WNT3: variants seen among roughly 807,000 people sequenced by gnomAD.
WNT3 encodes the protein proto-oncogene Wnt-3.
WNT3 carries 7 observed loss-of-function variants against 34.2 expected under a neutral mutation model. The ratio of observed to expected loss-of-function variants is 0.20; its 90% CI spans 0.12 to 0.38. The LOEUF is 0.38. WNT3 is among the 10% of genes least tolerant of loss of function. WNT3 has a pLI of 1.00. For missense variants in WNT3, 267 were observed against 499.8 expected (o/e 0.53, Z 4.44); for synonymous variants, 212 against 211.5 (o/e 1.00, Z -0.02).
chr17:46,814,741 C>A (rs1357199677), intron 1 of WNT3, among the ~76,000 whole-genome samples: 1 of 152,232 alleles, frequency 6.6e-6, no homozygotes, highest in Non-Finnish European at 1.5e-5. Flanking sequence ...AGGTGCCTCC[C>A]TGGGCCCAGC....
intron 2 of WNT3, among the ~76,000 whole-genome samples, chr17:46,772,502 G>A (rs1011710904): frequency 6.6e-6 from 1 of 152,246 alleles, no homozygotes; most frequent in Non-Finnish European, 1.5e-5. Context: ...GGAAAGCGCT[G>A]AGACCAACAC....
intron 1 of WNT3, among the ~76,000 whole-genome samples, chr17:46,789,417 G>A (rs138474086): frequency 0.011 from 1,717 of 152,310 alleles, 14 homozygotes; most frequent in African/African-American, 0.011. Context: ...CAACACCAGC[G>A]TGGCAGGATC....
intron 1 of WNT3, among the ~76,000 whole-genome samples, chr17:46,817,118 C>T (rs1171773297): frequency 6.6e-6 from 1 of 152,184 alleles, no homozygotes; most frequent in Non-Finnish European, 1.5e-5. Flanking sequence ...TGGCCATGTC[C>T]CCACCCTCTC....
At chr17:46,804,219 C>A (rs1361109441) in intron 1 of WNT3, among the ~76,000 whole-genome samples, 1 of 152,068 alleles carries the variant, frequency 6.6e-6, no homozygotes, top group Non-Finnish European at 1.5e-5. Context: ...TCCCCAGCAG[C>A]TGGGACTACA....
chr17:46,776,069 G>T (rs2059409993), intron 1 of WNT3, among the ~76,000 whole-genome samples: 1 of 152,224 alleles, frequency 6.6e-6, no homozygotes, highest in South Asian at 2.1e-4. Context: ...AGATGGCTTA[G>T]CCTTGCAGGT....
At chr17:46,816,439 GA>G (rs1219077829) in intron 1 of WNT3, among the ~76,000 whole-genome samples, 2 of 143,208 alleles carry the variant, frequency 1.4e-5, no homozygotes, top group African/African-American at 5.2e-5. Flanking sequence ...CTGGTGTATA[GA>G]AAACACCTCT....
At chr17:46,789,325 T>G (rs532706272) in intron 1 of WNT3, among the ~76,000 whole-genome samples, 143 of 152,320 alleles carry the variant, frequency 9.4e-4, no homozygotes, top group African/African-American at 3.4e-3. Flanking sequence ...CCTGACCAGC[T>G]GGCTACTGGG....
chr17:46,801,462 A>C (rs184393215), intron 1 of WNT3, among the ~76,000 whole-genome samples: 164 of 152,248 alleles, frequency 1.1e-3, no homozygotes, highest in Middle Eastern at 6.8e-3. Context: ...TCTACTAAAA[A>C]TAGAAAAATT....
intron 1 of WNT3, among the ~76,000 whole-genome samples, chr17:46,805,771 T>G (rs1369281622): frequency 6.6e-6 from 1 of 151,990 alleles, no homozygotes; most frequent in African/African-American, 2.4e-5. Flanking sequence ...AAACTGAAAC[T>G]TGACAGTGAT....
intron 1 of WNT3, among the ~76,000 whole-genome samples, chr17:46,803,727 G>A (rs1360766788): frequency 6.6e-6 from 1 of 152,128 alleles, no homozygotes; most frequent in Non-Finnish European, 1.5e-5. Flanking sequence ...TCAAGCTCCA[G>A]CCACAGCCCT....
chr17:46,779,951 G>T (rs2059446519), intron 1 of WNT3, among the ~76,000 whole-genome samples: 1 of 152,146 alleles, frequency 6.6e-6, no homozygotes, highest in African/African-American at 2.4e-5. Flanking sequence ...TAGAGACAGG[G>T]TTTCGCAATA....
intron 1 of WNT3, among the ~76,000 whole-genome samples, chr17:46,788,826 C>T (rs1013141340): frequency 2.0e-5 from 3 of 152,192 alleles, no homozygotes; most frequent in African/African-American, 4.8e-5. Flanking sequence ...TTCGTCTCTC[C>T]CAGATCCCAC....
chr17:46,814,631 C>A (rs963284785), intron 1 of WNT3, among the ~76,000 whole-genome samples: 2 of 152,232 alleles, frequency 1.3e-5, no homozygotes, highest in African/African-American at 4.8e-5. Flanking sequence ...GCTAGCTCAG[C>A]TCCTCACCAG....
intron 3 of WNT3, among the ~76,000 whole-genome samples, chr17:46,769,381 G>A (rs1426542312): frequency 6.6e-6 from 1 of 152,086 alleles, no homozygotes; most frequent in Admixed American, 6.5e-5. Context: ...TTAACACATG[G>A]GGAAACTGAG....
intron 1 of WNT3, among the ~76,000 whole-genome samples, chr17:46,810,896 C>T (rs1032899227): frequency 6.6e-6 from 1 of 152,106 alleles, no homozygotes; most frequent in African/African-American, 2.4e-5. Flanking sequence ...AACTCCCTGC[C>T]CGGAAGCCGC....
At chr17:46,775,126 G>C (rs1472142776) in intron 1 of WNT3, among the ~76,000 whole-genome samples, 1 of 152,242 alleles carries the variant, frequency 6.6e-6, no homozygotes, top group Non-Finnish European at 1.5e-5. Flanking sequence ...GCTGGACACA[G>C]GGCCGAGCCA....
intron 4 of WNT3, among the ~76,000 whole-genome samples, chr17:46,765,859 CAAAT>C (rs1226135942): frequency 6.6e-6 from 1 of 152,216 alleles, no homozygotes; most frequent in Non-Finnish European, 1.5e-5. Flanking sequence ...CCCCAGTTCA[CAAAT>C]GAAGAAGCCA....
intron 1 of WNT3, among the ~76,000 whole-genome samples, chr17:46,792,577 G>A (rs550497643): frequency 1.4e-4 from 22 of 152,170 alleles, no homozygotes; most frequent in African/African-American, 4.6e-4. Flanking sequence ...AGGTTCAAGC[G>A]ATTCTCCTGC....
At chr17:46,789,100 C>T (rs1048823965) in intron 1 of WNT3, among the ~76,000 whole-genome samples, 11 of 152,276 alleles carry the variant, frequency 7.2e-5, no homozygotes, top group African/African-American at 1.4e-4. Flanking sequence ...TTATGCTGGA[C>T]GCCGGGAGCA....
Sources: allele counts gnomAD v4.1 joint callset (sites outside exome capture counted in the v4.1 genomes callset), GRCh38; gene constraint gnomAD v4.1.1; transcripts MANE v1.5; gene names NCBI Gene and HGNC (gene_info 2026-07-23, HGNC 2026-07-21).